The following RANBP17 variants were observed in gnomAD, a reference collection of about 807,000 sequenced individuals.
RANBP17 encodes the protein ran-binding protein 17.
In RANBP17, 158 loss-of-function variants were observed where a neutral mutation model predicts 141.2. That is an observed-to-expected ratio of 1.12 (90% CI 0.98 to 1.28). RANBP17 has a LOEUF of 1.28. RANBP17 is among the 50% of genes most tolerant of loss of function. The pLI is 0.00. For missense variants in RANBP17, 1,438 were observed against 1,290.7 expected, an observed-to-expected ratio of 1.11 and a Z score of -1.75; for synonymous variants, 430 against 450.0, an observed-to-expected ratio of 0.96 and a Z score of 0.56.
intron 14 of RANBP17, among the ~76,000 whole-genome samples, chr5:171,053,116 G>A (rs1050036585): frequency 1.3e-5 from 2 of 152,050 alleles, no homozygotes; most frequent in Non-Finnish European, 2.9e-5. Context: ...CACCGTGCCC[G>A]GCCATGTCTT....
intron 8 of RANBP17, among the ~76,000 whole-genome samples, chr5:170,915,250 A>G (rs1311669140): frequency 2.0e-5 from 3 of 152,198 alleles, no homozygotes; most frequent in East Asian, 1.9e-4. Context: ...AGTAATGAAC[A>G]TTTATTGGAC....
At chr5:171,103,409 A>G (rs1369896154) in intron 14 of RANBP17, among the ~76,000 whole-genome samples, 3 of 152,122 alleles carry the variant, frequency 2.0e-5, no homozygotes, top group Admixed American at 1.3e-4. Flanking sequence ...GTAAGGGGAA[A>G]ACTGCCTACT....
chr5:171,045,027 A>G (rs1265403888), intron 14 of RANBP17, among the ~76,000 whole-genome samples: 3 of 152,070 alleles, frequency 2.0e-5, no homozygotes, highest in Non-Finnish European at 4.4e-5. Context: ...CAGGCTAAAA[A>G]TGATTCCTTT....
intron 14 of RANBP17, among the ~76,000 whole-genome samples, chr5:171,044,731 TATA>T (rs1414333360): frequency 1.3e-5 from 2 of 152,108 alleles, no homozygotes; most frequent in East Asian, 3.9e-4. Context: ...TTCCCTCAAA[TATA>T]ATGGTTTACC....
chr5:170,967,103 A>G (rs1776624873), intron 13 of RANBP17, among the ~76,000 whole-genome samples: 1 of 152,198 alleles, frequency 6.6e-6, no homozygotes, highest in Non-Finnish European at 1.5e-5. Flanking sequence ...AAGCAGCTTC[A>G]GAAGAGAATG....
At chr5:171,117,224 A>G (rs1755699682) in intron 14 of RANBP17, among the ~76,000 whole-genome samples, 1 of 152,072 alleles carries the variant, frequency 6.6e-6, no homozygotes, top group African/African-American at 2.4e-5. Context: ...AGGTAGTTCT[A>G]TTTGTAGTAT....
chr5:171,204,920 T>G (rs1762485589), intron 19 of RANBP17, among the ~76,000 whole-genome samples: 1 of 152,188 alleles, frequency 6.6e-6, no homozygotes, highest in Non-Finnish European at 1.5e-5. Flanking sequence ...GCCTTAAGTT[T>G]TAAAGCTGGG....
At chr5:171,056,736 C>T (rs1228842917) in intron 14 of RANBP17, among the ~76,000 whole-genome samples, 2 of 152,060 alleles carry the variant, frequency 1.3e-5, no homozygotes, top group African/African-American at 4.8e-5. Context: ...GAAAGTTTGT[C>T]ATATATTAAA....
chr5:170,886,043 T>G (rs1274582671), intron 3 of RANBP17, among the ~76,000 whole-genome samples: 1 of 152,166 alleles, frequency 6.6e-6, no homozygotes, highest in Admixed American at 6.5e-5. Context: ...AATGGCATCC[T>G]CAGTGGTAAA....
intron 14 of RANBP17, among the ~76,000 whole-genome samples, chr5:171,117,869 T>A (rs1194241685): frequency 6.6e-6 from 1 of 151,790 alleles, no homozygotes; most frequent in Non-Finnish European, 1.5e-5. Context: ...GTTGTTTTGC[T>A]GTTGTGACGT....
intron 14 of RANBP17, among the ~76,000 whole-genome samples, chr5:170,969,219 T>G (rs900446084): frequency 1.1e-4 from 16 of 151,864 alleles, no homozygotes; most frequent in African/African-American, 3.9e-4. Flanking sequence ...CTTTAGTTTA[T>G]TTCAGGTAAA....
At chr5:170,865,109 C>T (rs1396616654) in intron 1 of RANBP17, among the ~76,000 whole-genome samples, 1 of 152,124 alleles carries the variant, frequency 6.6e-6, no homozygotes, top group East Asian at 1.9e-4. Flanking sequence ...CTCGCCCAGG[C>T]TGGAGTGCAG....
intron 24 of RANBP17, among the ~76,000 whole-genome samples, chr5:171,246,677 C>T (rs1765233983): frequency 1.3e-5 from 2 of 152,316 alleles, no homozygotes; most frequent in South Asian, 4.1e-4. Flanking sequence ...TTATTTTCAA[C>T]ATGTGATCTT....
intron 14 of RANBP17, among the ~76,000 whole-genome samples, chr5:171,079,730 T>C (rs1785148934): frequency 6.6e-6 from 1 of 152,244 alleles, no homozygotes; most frequent in Non-Finnish European, 1.5e-5. Flanking sequence ...ATACATTATT[T>C]TTTAGACATA....
Position 171,196,063 on chromosome 5 carries a change from G to A in RANBP17, c.2039-3607G>A, listed in dbSNP as rs142133874. ...GGAAATAGAACAATTTCCTTCCCAGGGAACTTACGTCCTAATAGGATAAAC... is the reference window on the plus strand; with the variant it reads ...GGAAATAGAACAATTTCCTTCCCAGAGAACTTACGTCCTAATAGGATAAAC... On this transcript the variant is annotated intron_variant, in intron 18 of 27. Coordinates refer to ENST00000523189, the MANE Select transcript of RANBP17 (RefSeq NM_022897.5). Among the ~76,000 whole-genome samples the A allele has an allele frequency of 3.4e-3, 517 of 152,228 alleles. 3 individuals are homozygous for A. Among genetic ancestry groups the A allele is most frequent in the African/African-American group, 0.012 (499 of 41,534 alleles).
intron 14 of RANBP17, among the ~76,000 whole-genome samples, chr5:171,090,891 A>G (rs914251819): frequency 6.6e-6 from 1 of 152,204 alleles, no homozygotes; most frequent in Non-Finnish European, 1.5e-5. Context: ...AGACCTCAAA[A>G]GATGTACGGA....
chr5:170,870,388 G>A (rs1383126492), intron 1 of RANBP17, among the ~76,000 whole-genome samples: 1 of 151,012 alleles, frequency 6.6e-6, no homozygotes, highest in Non-Finnish European at 1.5e-5. Flanking sequence ...CCCACAACAG[G>A]CCCCCTGTAT....
intron 1 of RANBP17, among the ~76,000 whole-genome samples, chr5:170,875,449 A>G (rs1366518982): frequency 6.6e-6 from 1 of 152,172 alleles, no homozygotes; most frequent in African/African-American, 2.4e-5. Flanking sequence ...TCTTTCAGGT[A>G]CTTCAATCAG....
At chr5:171,163,645 CT>C (rs1267956799) in intron 14 of RANBP17, among the ~76,000 whole-genome samples, 1 of 152,142 alleles carries the variant, frequency 6.6e-6, no homozygotes, top group Non-Finnish European at 1.5e-5. Context: ...ATATTGGATC[CT>C]TTCCAGTGAC....
Sources: gnomAD v4.1 joint callset for allele counts (sites outside exome capture counted in the v4.1 genomes callset) on GRCh38, gnomAD v4.1.1 for gene constraint, MANE v1.5 for transcripts, NCBI Gene and HGNC (gene_info 2026-07-23, HGNC 2026-07-21) for gene names.